PAPPA: variants seen among roughly 807,000 people sequenced by gnomAD.
The protein encoded by PAPPA is pappalysin-1.
In PAPPA, 60 loss-of-function variants were observed where a neutral mutation model predicts 164.0. The ratio of observed to expected loss-of-function variants is 0.37; its 90% CI spans 0.30 to 0.45. The LOEUF (loss-of-function observed/expected upper bound fraction) is 0.45, where lower values mean the gene tolerates loss of function less well. Ranked by LOEUF, PAPPA falls within the 20% of genes least tolerant of loss-of-function variation. The probability of loss-of-function intolerance (pLI) is 1.00; values close to 1 mark genes in which losing one functional copy is unlikely to be tolerated. For missense variants in PAPPA, 1,782 were observed against 2,087.3 expected (o/e 0.85, Z 2.85); for synonymous variants, 875 against 814.1 (o/e 1.07, Z -1.27).
chr9:116,335,764 G>A (rs1474524419), intron 13 of PAPPA, among the ~76,000 whole-genome samples: 1 of 152,112 alleles, frequency 6.6e-6, no homozygotes, highest in African/African-American at 2.4e-5. Context: ...TTCTTGAATG[G>A]GTGTTCTTGG....
intron 8 of PAPPA, 53 bp downstream of exon 8, chr9:116,266,038 G>C: frequency 6.6e-7 from 1 of 1,509,410 alleles, no homozygotes; most frequent in Non-Finnish European, 9.1e-7. Flanking sequence ...TAGGTCAAGA[G>C]ATGGTTAGGG....
intron 13 of PAPPA, among the ~76,000 whole-genome samples, chr9:116,341,507 C>T (rs1259023720): frequency 6.6e-6 from 1 of 152,202 alleles, no homozygotes; most frequent in Admixed American, 6.5e-5. Context: ...GATGTCCCTT[C>T]CTCATGGATC....
intron 10 of PAPPA, among the ~76,000 whole-genome samples, chr9:116,319,378 G>GCCT (rs1185846110): frequency 1.3e-5 from 2 of 152,206 alleles, no homozygotes; most frequent in Non-Finnish European, 2.9e-5. Flanking sequence ...CCCAATGCCT[G>GCCT]GCTGTACTGT....
intron 6 of PAPPA, among the ~76,000 whole-genome samples, chr9:116,231,411 T>C (rs970315124): frequency 6.6e-6 from 1 of 152,096 alleles, no homozygotes; most frequent in Non-Finnish European, 1.5e-5. Flanking sequence ...TCCGACTACA[T>C]GTCCAATCAA....
At chr9:116,326,546 T>C (rs1251448781) in intron 10 of PAPPA, among the ~76,000 whole-genome samples, 1 of 152,206 alleles carries the variant, frequency 6.6e-6, no homozygotes, top group Non-Finnish European at 1.5e-5. Context: ...GTCAACATTT[T>C]AGTCATTCAA....
At chr9:116,237,610 T>A (rs372833394) in intron 7 of PAPPA, among the ~76,000 whole-genome samples, 83 of 152,192 alleles carry the variant, frequency 5.5e-4, no homozygotes, top group African/African-American at 1.4e-3. Flanking sequence ...AAATCTCAGC[T>A]AAATCACTAA....
chr9:116,371,121 T>C (rs1284498928), intron 19 of PAPPA, among the ~76,000 whole-genome samples: 1 of 152,108 alleles, frequency 6.6e-6, no homozygotes, highest in Admixed American at 6.6e-5. Flanking sequence ...CTTTTGTATA[T>C]TAAATACTGA....
At chr9:116,292,837 C>T (rs1019140342) in intron 9 of PAPPA, among the ~76,000 whole-genome samples, 1 of 152,020 alleles carries the variant, frequency 6.6e-6, no homozygotes, top group African/African-American at 2.4e-5. Flanking sequence ...CCCATCTAAC[C>T]CTGAAGTCTG....
chr9:116,266,166 T>C (rs1191644483), intron 8 of PAPPA, among the ~76,000 whole-genome samples, 181 bp downstream of exon 8: 2 of 152,230 alleles, frequency 1.3e-5, no homozygotes, highest in Admixed American at 1.3e-4. Flanking sequence ...AGAAAAGCAA[T>C]GACTCTTTTT....
At chr9:116,328,337 A>T (rs1845946396) in intron 10 of PAPPA, among the ~76,000 whole-genome samples, 1 of 152,356 alleles carries the variant, frequency 6.6e-6, no homozygotes, top group Non-Finnish European at 1.5e-5. Flanking sequence ...ACCCGGTCCC[A>T]GTTGTTTTTG....
At chr9:116,250,546 G>T (rs2118778644) in intron 7 of PAPPA, among the ~76,000 whole-genome samples, 1 of 152,324 alleles carries the variant, frequency 6.6e-6, no homozygotes, top group South Asian at 2.1e-4. Context: ...ATCCAGCTCT[G>T]ATTTCTACAT....
At chr9:116,312,334 C>T (rs1845731030) in intron 10 of PAPPA, among the ~76,000 whole-genome samples, 1 of 148,388 alleles carries the variant, frequency 6.7e-6, no homozygotes, top group African/African-American at 2.5e-5. Flanking sequence ...GTGGGGTCAC[C>T]AGCATTCAGC....
At chr9:116,180,223 A>G (rs1843887676) in intron 1 of PAPPA, among the ~76,000 whole-genome samples, 1 of 152,078 alleles carries the variant, frequency 6.6e-6, no homozygotes, top group African/African-American at 2.4e-5. Flanking sequence ...AGCCCAGAGT[A>G]GGGAGCTATT....
At chr9:116,289,125 T>C (rs1845382685) in intron 9 of PAPPA, among the ~76,000 whole-genome samples, 1 of 11,812 alleles carries the variant, frequency 8.5e-5, no homozygotes, top group Non-Finnish European at 1.5e-4. Flanking sequence ...CATATACATA[T>C]ATATATATAT....
In PAPPA at chr9:116,344,672, G is replaced by A. The variant is rs1846184330; in HGVS notation, c.3741G>A (p.Val1247=). The A allele has an allele frequency of 6.2e-7, 1 of 1,614,138 alleles. No homozygotes were observed. The highest frequency in any genetic ancestry group is 8.5e-7 in the Non-Finnish European group (1 of 1,179,996). ...CTGTGAGCTGCCGGACAGGCTACGT[G>A]CTCCAGATACGGCGGGATGATGAGC... ...QCTVSCRTGY[V]LQIRRDDELI... The change falls in exon 14 of 22, where the codon GTG becomes GTA. Residue 1247 remains valine, a synonymous_variant. Transcript: ENST00000328252.
chr9:116,337,253 CTA>C (rs1282223858), intron 13 of PAPPA, among the ~76,000 whole-genome samples: 5 of 152,172 alleles, frequency 3.3e-5, no homozygotes, highest in Non-Finnish European at 2.9e-5. Flanking sequence ...TTGGATCAGG[CTA>C]TGACAGGCTG....
At chr9:116,169,310 C>CTTTTTTTTTTTTTTTTTTTTTTTTTTTTT (rs563871496) in intron 1 of PAPPA, among the ~76,000 whole-genome samples, 1 of 52,154 alleles carries the variant, frequency 1.9e-5, no homozygotes, top group African/African-American at 7.3e-5. Flanking sequence ...CAAACCCATT[C>CTTTTTTTTTTTTTTTTTTTTTTTTTTTTT]TTTTTTTTTT....
At chr9:116,255,204 C>A (rs985519639) in intron 7 of PAPPA, among the ~76,000 whole-genome samples, 1 of 151,862 alleles carries the variant, frequency 6.6e-6, no homozygotes, top group Non-Finnish European at 1.5e-5. Flanking sequence ...CTAGGGTGTG[C>A]CCATCCAAAA....
Position 116,348,114 on chromosome 9 carries a change from A to G in PAPPA, c.3964+905A>G, listed in dbSNP as rs146677800. ...GGGGAGACAAGGCCTTAGGAGGACC[A>G]TCATTTTGACAGTTGGTGATCCCAA... is the stretch of plus-strand genomic sequence containing the variant. On this transcript the variant is annotated intron_variant, in intron 15 of 21. Transcript: ENST00000328252. Among the ~76,000 whole-genome samples, 352 of 152,254 alleles carry G rather than the reference A, an allele frequency of 2.3e-3. 2 individuals carry two copies. Among genetic ancestry groups the G allele is most frequent in the African/African-American group, 8.0e-3 (333 of 41,536 alleles).
Sources: allele counts gnomAD v4.1 joint callset (sites outside exome capture counted in the v4.1 genomes callset), GRCh38; gene constraint gnomAD v4.1.1; transcripts MANE v1.5; gene names NCBI Gene and HGNC (gene_info 2026-07-23, HGNC 2026-07-21).